TANC1: variants seen among roughly 807,000 people sequenced by gnomAD.
The protein encoded by TANC1 is protein TANC1.
A neutral mutation model predicts 149.7 loss-of-function variants in TANC1; 77 were observed. The observed-to-expected ratio is 0.51, with a 90% CI of 0.43 to 0.62. The LOEUF (loss-of-function observed/expected upper bound fraction) is 0.62, where lower values mean the gene tolerates loss of function less well. Ranked by LOEUF, TANC1 falls within the 20% of genes least tolerant of loss-of-function variation. The pLI, the probability that TANC1 is intolerant of heterozygous loss-of-function variation, is 0.00. For synonymous variants in TANC1, 854 were observed against 925.0 expected, an observed-to-expected ratio of 0.92 and a Z score of 1.39; for missense variants, 1,985 against 2,321.8, an observed-to-expected ratio of 0.85 and a Z score of 2.98.
At chr2:159,176,277 C>T in intron 12 of TANC1, 75 bp from the exon 13 acceptor site, 1 of 864,288 alleles carries the variant, frequency 1.2e-6, no homozygotes, top group East Asian at 2.9e-5. Context: ...AAACTGGGCA[C>T]TAAAATACAC....
At chr2:159,019,210 G>T (rs2038570255) in intron 2 of TANC1, among the ~76,000 whole-genome samples, 1 of 152,228 alleles carries the variant, frequency 6.6e-6, no homozygotes, top group Non-Finnish European at 1.5e-5. Context: ...CACCTTAGGT[G>T]CAAGGTGCAC....
At chr2:158,997,635 G>A (rs1467436422) in intron 1 of TANC1, among the ~76,000 whole-genome samples, 1 of 152,142 alleles carries the variant, frequency 6.6e-6, no homozygotes, top group African/African-American at 2.4e-5. Flanking sequence ...CATGTCTGAA[G>A]GCCATACCAG....
At chr2:159,190,639 C>A (rs1371638704) in intron 16 of TANC1, among the ~76,000 whole-genome samples, 1 of 152,166 alleles carries the variant, frequency 6.6e-6, no homozygotes, top group Non-Finnish European at 1.5e-5. Flanking sequence ...GCAACCTCCG[C>A]CTCCTGGGTT....
At chr2:159,114,846 A>G (rs1002798274) in intron 4 of TANC1, among the ~76,000 whole-genome samples, 1 of 152,172 alleles carries the variant, frequency 6.6e-6, no homozygotes, top group Non-Finnish European at 1.5e-5. Flanking sequence ...GTAAGAGGAC[A>G]TTGTATGGGT....
chr2:159,144,076 A>G (rs1395239824), intron 5 of TANC1, among the ~76,000 whole-genome samples: 1 of 151,908 alleles, frequency 6.6e-6, no homozygotes, highest in Non-Finnish European at 1.5e-5. Context: ...TACTGGCTCT[A>G]GAGGAAGGAA....
intron 7 of TANC1, 115 bp from the exon 8 acceptor site, chr2:159,163,168 T>C: frequency 9.6e-7 from 1 of 1,037,932 alleles, no homozygotes; most frequent in East Asian, 2.6e-5. Context: ...TTGATAAAAA[T>C]CTGTGTGGAC....
At chr2:159,029,922 C>T (rs888546576) in intron 2 of TANC1, among the ~76,000 whole-genome samples, 1 of 152,182 alleles carries the variant, frequency 6.6e-6, no homozygotes, top group Non-Finnish European at 1.5e-5. Context: ...CTCCTGTTCT[C>T]AAGCAGTCCT....
intron 2 of TANC1, among the ~76,000 whole-genome samples, chr2:159,015,445 A>G (rs908580745): frequency 2.0e-5 from 3 of 152,208 alleles, no homozygotes; most frequent in African/African-American, 4.8e-5. Flanking sequence ...AGGGGCTGCC[A>G]TGAAGACCTC....
chr2:158,981,491 T>TTATATATA (rs10602195), intron 1 of TANC1, among the ~76,000 whole-genome samples: 54 of 34,338 alleles, frequency 1.6e-3, no homozygotes, highest in Non-Finnish European at 2.6e-3. Context: ...TATATAGCTT[T>TTATATATA]TATATATATA....
At chr2:159,197,925 C>T (rs2057981959) in intron 18 of TANC1, among the ~76,000 whole-genome samples, 1 of 152,228 alleles carries the variant, frequency 6.6e-6, no homozygotes, top group South Asian at 2.1e-4. Context: ...CACACACTTA[C>T]TCTTAGAATT....
At chr2:159,128,949 A>G (rs1436324690) in intron 4 of TANC1, among the ~76,000 whole-genome samples, 3 of 152,160 alleles carry the variant, frequency 2.0e-5, no homozygotes, top group Non-Finnish European at 4.4e-5. Flanking sequence ...CCAAAATATT[A>G]TCTTACTCAT....
chr2:159,166,873 TC>T (rs1412472328), intron 8 of TANC1, among the ~76,000 whole-genome samples: 1 of 152,228 alleles, frequency 6.6e-6, no homozygotes, highest in African/African-American at 2.4e-5. Context: ...CTCGGCTTAA[TC>T]GTATTTGAAA....
At chr2:158,972,116 A>C (rs781255769) in intron 1 of TANC1, among the ~76,000 whole-genome samples, 1 of 152,262 alleles carries the variant, frequency 6.6e-6, no homozygotes, top group Non-Finnish European at 1.5e-5. Context: ...AGAAAGTCAC[A>C]TGCTTCAAAC....
At chr2:159,156,668 G>A (rs73002941) in intron 7 of TANC1, among the ~76,000 whole-genome samples, 1,639 of 152,332 alleles carry the variant, frequency 0.011, 31 homozygotes, top group African/African-American at 0.037. Context: ...TGCTGTGGGC[G>A]CATAATGATA....
intron 3 of TANC1, among the ~76,000 whole-genome samples, chr2:159,070,711 AGT>A (rs1377288797): frequency 2.0e-5 from 3 of 152,310 alleles, no homozygotes; most frequent in African/African-American, 7.2e-5. Context: ...AGCCCGGAAG[AGT>A]GTGTTTGGAC....
intron 2 of TANC1, among the ~76,000 whole-genome samples, chr2:159,032,483 C>T (rs1369554258): frequency 6.6e-6 from 1 of 152,148 alleles, no homozygotes; most frequent in East Asian, 1.9e-4. Flanking sequence ...CCTTTCAGAG[C>T]CAAGAATTGT....
At chr2:159,226,044 C>G in intron 24 of TANC1, 1 of 422,876 alleles carries the variant, frequency 2.4e-6, no homozygotes, top group Middle Eastern at 7.0e-4. Context: ...CAGCCAGGTG[C>G]CTGTAATCCC....
intron 6 of TANC1, chr2:159,149,866 G>A (rs1437072466): frequency 5.9e-6 from 1 of 168,230 alleles, no homozygotes; most frequent in Non-Finnish European, 1.3e-5. Context: ...AAGGGAGGGT[G>A]TCATGCATTG....
chr2:158,995,301 T>C (rs2036029298), intron 1 of TANC1, among the ~76,000 whole-genome samples: 1 of 152,208 alleles, frequency 6.6e-6, no homozygotes, highest in Admixed American at 6.5e-5. Context: ...GTTATTATAT[T>C]GCCATTGAAC....
Sources: allele counts gnomAD v4.1 joint callset (sites outside exome capture counted in the v4.1 genomes callset), GRCh38; gene constraint gnomAD v4.1.1; transcripts MANE v1.5; gene names NCBI Gene and HGNC (gene_info 2026-07-23, HGNC 2026-07-21).